NALF1: variants seen among roughly 807,000 people sequenced by gnomAD.
NALF1 encodes NALCN channel auxiliary factor 1.
Under a neutral mutation model 48.4 loss-of-function variants are expected in NALF1, and 3 were observed. The observed-to-expected ratio is 0.06, with a 90% confidence interval of 0.03 to 0.16. NALF1 has a LOEUF of 0.16. Ranked by LOEUF, NALF1 falls within the 10% of genes least tolerant of loss-of-function variation. The probability of loss-of-function intolerance (pLI) is 1.00; values close to 1 mark genes in which losing one functional copy is unlikely to be tolerated. For missense variants in NALF1, 526 were observed against 571.5 expected (o/e 0.92, Z 0.81); for synonymous variants, 262 against 245.7 (o/e 1.07, Z -0.62).
At chr13:107,515,865 G>A (rs983470748) in intron 1 of NALF1, among the ~76,000 whole-genome samples, 18 of 152,286 alleles carry the variant, frequency 1.2e-4, no homozygotes, top group African/African-American at 2.9e-4. Flanking sequence ...GGATGGAAAC[G>A]TAGGTAGCTT....
intron 1 of NALF1, among the ~76,000 whole-genome samples, chr13:107,270,603 G>GAAA (rs2138862597): frequency 6.6e-6 from 1 of 151,804 alleles, no homozygotes; most frequent in African/African-American, 2.4e-5. Flanking sequence ...TTTCTGTGAG[G>GAAA]TTTTAGTCAA....
At chr13:107,298,521 T>G (rs1361660454) in intron 1 of NALF1, among the ~76,000 whole-genome samples, 1 of 151,838 alleles carries the variant, frequency 6.6e-6, no homozygotes, top group African/African-American at 2.4e-5. Context: ...AACCTCCGCC[T>G]CCCGGGTTCA....
intron 1 of NALF1, among the ~76,000 whole-genome samples, chr13:107,630,171 T>C (rs1056659134): frequency 9.1e-6 from 1 of 109,544 alleles, no homozygotes; most frequent in Admixed American, 1.2e-4. Flanking sequence ...CATAAAAAAT[T>C]TGCAACCTCT....
intron 1 of NALF1, among the ~76,000 whole-genome samples, chr13:107,793,773 T>C (rs982516905): frequency 1.3e-5 from 2 of 152,192 alleles, no homozygotes; most frequent in Non-Finnish European, 2.9e-5. Flanking sequence ...AATTCTGGTA[T>C]CCAGACACAA....
chr13:107,559,696 T>A (rs1446646849), intron 1 of NALF1, among the ~76,000 whole-genome samples: 1 of 152,318 alleles, frequency 6.6e-6, no homozygotes, highest in East Asian at 1.9e-4. Context: ...AGCATCAGCA[T>A]CAAACCTTTG....
intron 1 of NALF1, among the ~76,000 whole-genome samples, chr13:107,594,958 G>T (rs1256087568): frequency 6.6e-6 from 1 of 151,926 alleles, no homozygotes; most frequent in Non-Finnish European, 1.5e-5. Context: ...TGAGTTGCCT[G>T]TACACTTTCA....
chr13:107,430,840 G>T (rs1884367600), intron 1 of NALF1, among the ~76,000 whole-genome samples: 1 of 152,108 alleles, frequency 6.6e-6, no homozygotes, highest in Admixed American at 6.5e-5. Flanking sequence ...GGGTCAAATG[G>T]TATTTCTAGT....
At chr13:107,350,518 C>G in intron 1 of NALF1, among the ~76,000 whole-genome samples, 1 of 152,336 alleles carries the variant, frequency 6.6e-6, no homozygotes, top group Middle Eastern at 3.4e-3. Flanking sequence ...GCTGAGGGGA[C>G]AGCTACTAAC....
chr13:107,783,892 A>G (rs1877998170), intron 1 of NALF1, among the ~76,000 whole-genome samples: 1 of 148,788 alleles, frequency 6.7e-6, no homozygotes, highest in African/African-American at 2.4e-5. Context: ...AAAAAAAAAG[A>G]AAATCTTATA....
At chr13:107,831,721 T>C (rs58806855) in intron 1 of NALF1, among the ~76,000 whole-genome samples, 25,036 of 152,000 alleles carry the variant, frequency 0.16, 3,011 homozygotes, top group African/African-American at 0.33. Context: ...TTGGAAAGAG[T>C]ATTTTGTAAC....
rs546969217 is a variant in NALF1, at chr13:107,564,231, A to C, written c.915+301451T>G. ...TTAAATATGCAACTGATCAATTTCA[A>C]GGACTTTGTAGCTATATAATCCAAT... On this transcript the variant is annotated intron_variant, in intron 1 of 2. Coordinates refer to ENST00000375915, the MANE Select transcript of NALF1 (RefSeq NM_001080396.3). 3.9e-5 allele frequency among the ~76,000 whole-genome samples: 6 copies of C among 152,330 alleles called. No homozygotes were observed. The South Asian group carries it at 1.2e-3, about 32-fold the overall frequency.
chr13:107,357,661 G>A (rs1485868745), intron 1 of NALF1, among the ~76,000 whole-genome samples: 1 of 152,170 alleles, frequency 6.6e-6, no homozygotes, highest in Non-Finnish European at 1.5e-5. Context: ...GGAAGGGCAT[G>A]TCAAGAGAAG....
intron 1 of NALF1, among the ~76,000 whole-genome samples, chr13:107,438,067 G>T (rs1287730328): frequency 6.6e-6 from 1 of 152,064 alleles, no homozygotes; most frequent in East Asian, 1.9e-4. Flanking sequence ...TTTTCTACAT[G>T]GTTGTAAATT....
Position 107,696,057 on chromosome 13 carries a change from C to T in NALF1, c.915+169625G>A, listed in dbSNP as rs142948613. On this transcript the variant is annotated intron_variant, in intron 1 of 2. Coordinates refer to ENST00000375915, the MANE Select transcript of NALF1 (RefSeq NM_001080396.3). ...GATTACAGCCATGCACCACCACGCC[C>T]AGCTAATTTTTGTATTTTTAGTAGA... Among the ~76,000 whole-genome samples, 3 of 152,180 alleles carry T rather than the reference C, an allele frequency of 2.0e-5. No individual in the cohort carries two copies. The East Asian group carries it at 5.8e-4, about 29-fold the overall frequency.
intron 1 of NALF1, among the ~76,000 whole-genome samples, chr13:107,393,997 G>A (rs560903803): frequency 1.4e-4 from 22 of 152,312 alleles, no homozygotes; most frequent in African/African-American, 5.3e-4. Context: ...ATTGGTAGCT[G>A]AGGAAGTAGT....
chr13:107,253,677 C>T (rs1216721066), intron 1 of NALF1, among the ~76,000 whole-genome samples: 1 of 152,200 alleles, frequency 6.6e-6, no homozygotes, highest in East Asian at 1.9e-4. Flanking sequence ...CCTCCCGTTC[C>T]TCTCTACCTT....
chr13:107,527,427 G>C (rs1876482601), intron 1 of NALF1, among the ~76,000 whole-genome samples: 2 of 152,148 alleles, frequency 1.3e-5, no homozygotes, highest in Admixed American at 1.3e-4. Flanking sequence ...TTTTCAAAGA[G>C]TTAATTAAAA....
At chr13:107,364,827 G>A (rs1883123438) in intron 1 of NALF1, among the ~76,000 whole-genome samples, 2 of 151,712 alleles carry the variant, frequency 1.3e-5, no homozygotes, top group Non-Finnish European at 2.9e-5. Flanking sequence ...ACATTAAGGG[G>A]AAAAAAAGGC....
intron 1 of NALF1, among the ~76,000 whole-genome samples, chr13:107,839,916 T>C (rs968551107): frequency 3.9e-5 from 6 of 152,066 alleles, no homozygotes; most frequent in African/African-American, 1.4e-4. Flanking sequence ...CTTTAATATA[T>C]AAAAACAAGT....
Sources: gnomAD v4.1 joint callset for allele counts (sites outside exome capture counted in the v4.1 genomes callset) on GRCh38, gnomAD v4.1.1 for gene constraint, MANE v1.5 for transcripts, NCBI Gene and HGNC (gene_info 2026-07-23, HGNC 2026-07-21) for gene names.